The following CDK5RAP2 variants were observed in gnomAD, a reference collection of about 807,000 sequenced individuals.
CDK5RAP2 encodes CDK5 regulatory subunit associated protein 2.
A neutral mutation model predicts 232.9 loss-of-function variants in CDK5RAP2; 147 were observed. The ratio of observed to expected loss-of-function variants is 0.63; its 90% CI spans 0.55 to 0.72. The LOEUF is 0.72. Among genes scored for constraint, CDK5RAP2 ranks in the 30% least tolerant of loss-of-function variants. The pLI is 0.00. For synonymous variants in CDK5RAP2, 833 were observed against 833.7 expected, an observed-to-expected ratio of 1.00 and a Z score of 0.01; for missense variants, 2,195 against 2,231.5, an observed-to-expected ratio of 0.98 and a Z score of 0.33.
At chr9:120,490,546 C>T (rs574774223) in intron 13 of CDK5RAP2, among the ~76,000 whole-genome samples, 40 of 152,362 alleles carry the variant, frequency 2.6e-4, no homozygotes, top group African/African-American at 8.7e-4. Flanking sequence ...TTCTGGGGTT[C>T]TGCAGCATAA....
chr9:120,543,145 C>T (rs917965206), intron 5 of CDK5RAP2, among the ~76,000 whole-genome samples: 14 of 152,190 alleles, frequency 9.2e-5, no homozygotes, highest in African/African-American at 3.4e-4. Flanking sequence ...CATCCCCCTT[C>T]CCATCCATCA....
chr9:120,569,116 G>A (rs576842211), intron 2 of CDK5RAP2, among the ~76,000 whole-genome samples: 2 of 152,276 alleles, frequency 1.3e-5, no homozygotes, highest in Admixed American at 6.5e-5. Context: ...GTTCCCTATC[G>A]AGTGAGCAGG....
Position 120,487,447 on chromosome 9 carries a change from TA to T in CDK5RAP2, c.1483-11del. ...CTTTTTCATTGAATTTCTAATGAAA[TA>T]AAACAAATTCTAAGGAAATTGTCAT... is the stretch of plus-strand genomic sequence containing the variant. On this transcript the variant is annotated splice_polypyrimidine_tract_variant and intron_variant, in intron 13 of 37. Transcript: ENST00000349780. 1 of 1,588,296 alleles carries T rather than the reference TA, an allele frequency of 6.3e-7. No individual in the cohort carries two copies.
intron 10 of CDK5RAP2, among the ~76,000 whole-genome samples, chr9:120,526,412 GA>G (rs1346890138): frequency 1.3e-5 from 2 of 152,286 alleles, no homozygotes; most frequent in African/African-American, 4.8e-5. Flanking sequence ...CAGACACCTA[GA>G]AGTCTTCCTT....
chr9:120,423,559 G>A (rs567572885), intron 25 of CDK5RAP2, among the ~76,000 whole-genome samples: 170 of 152,258 alleles, frequency 1.1e-3, no homozygotes, highest in Non-Finnish European at 2.1e-3. Context: ...CTCTCTTCCT[G>A]CATGTTATCA....
intron 1 of CDK5RAP2, among the ~76,000 whole-genome samples, chr9:120,575,572 T>C (rs936424486): frequency 1.3e-5 from 2 of 152,114 alleles, no homozygotes; most frequent in African/African-American, 2.4e-5. Flanking sequence ...AGACCAGATA[T>C]CACATTCTGA....
intron 26 of CDK5RAP2, among the ~76,000 whole-genome samples, chr9:120,420,740 A>G (rs1206577627): frequency 6.6e-6 from 1 of 152,124 alleles, no homozygotes; most frequent in Admixed American, 6.5e-5. Context: ...AACAGCAAAG[A>G]CTCTAAGGCT....
At chr9:120,496,752 C>G (rs1175181406) in intron 12 of CDK5RAP2, among the ~76,000 whole-genome samples, 3 of 130,126 alleles carry the variant, frequency 2.3e-5, no homozygotes, top group Admixed American at 7.2e-5. Flanking sequence ...GTCAGCCCCC[C>G]GCCCGGCCAG....
At chr9:120,391,895 A>G (rs990227013) in intron 36 of CDK5RAP2, among the ~76,000 whole-genome samples, 1 of 152,240 alleles carries the variant, frequency 6.6e-6, no homozygotes, top group Non-Finnish European at 1.5e-5. Context: ...GATGAGCTGC[A>G]GAGCCTGGCA....
At chr9:120,523,251 C>T (rs189611028) in intron 11 of CDK5RAP2, among the ~76,000 whole-genome samples, 28 of 152,290 alleles carry the variant, frequency 1.8e-4, no homozygotes, top group Admixed American at 1.4e-3. Context: ...ATCTGGGTAA[C>T]ATTTAAATGT....
At chr9:120,391,980 G>C (rs1165576340) in intron 36 of CDK5RAP2, among the ~76,000 whole-genome samples, 1 of 152,218 alleles carries the variant, frequency 6.6e-6, no homozygotes, top group Non-Finnish European at 1.5e-5. Context: ...CTCTGGCGGA[G>C]CCTGCTCTGT....
chr9:120,556,025 T>A (rs925002167), intron 3 of CDK5RAP2, among the ~76,000 whole-genome samples: 1 of 152,136 alleles, frequency 6.6e-6, no homozygotes, highest in Non-Finnish European at 1.5e-5. Flanking sequence ...TGCCACAGGC[T>A]TGGGGTGAAG....
chr9:120,557,155 A>C (rs1054249394), intron 3 of CDK5RAP2, among the ~76,000 whole-genome samples: 2 of 152,194 alleles, frequency 1.3e-5, no homozygotes, highest in African/African-American at 4.8e-5. Context: ...AACAACAGAC[A>C]GTCCCAAATG....
At chr9:120,491,562 A>G in intron 12 of CDK5RAP2, 85 bp from the exon 13 acceptor site, 1 of 883,764 alleles carries the variant, frequency 1.1e-6, no homozygotes, top group South Asian at 1.4e-5. Context: ...TACTGCTACA[A>G]GAGAGCAAGA....
In CDK5RAP2 at chr9:120,539,052, G is replaced by C. The variant is rs755112589; in HGVS notation, c.496C>G (p.Leu166Val). The change falls in exon 6 of 38, where the codon CTT becomes GTT. Residue 166 changes from leucine (L) to valine (V), a missense_variant. By Grantham distance (32) the Leu-to-Val change is conservative. Coordinates refer to ENST00000349780, the MANE Select transcript of CDK5RAP2 (RefSeq NM_018249.6). ...ATTTCCAGACTTGCCTTTTCCAAAA[G>C]GAGTATTCTTTTAGTTAGGAGATCT... is the stretch of plus-strand genomic sequence containing the variant. The part of the protein sequence containing the change: ...VEDLLTKRIL[L>V]LEKDVTAAQA... 5.6e-6 allele frequency: 9 copies of C among 1,614,064 alleles called. No homozygotes were observed. The South Asian group carries it at 7.7e-5, about 14-fold the overall frequency.
At chr9:120,479,419 T>C (rs968249331) in intron 14 of CDK5RAP2, among the ~76,000 whole-genome samples, 11 of 152,076 alleles carry the variant, frequency 7.2e-5, no homozygotes, top group African/African-American at 2.4e-4. Context: ...AAAATACTTA[T>C]TAAATACAAA....
At chr9:120,397,347 T>C (rs2032563906) in intron 35 of CDK5RAP2, among the ~76,000 whole-genome samples, 1 of 151,948 alleles carries the variant, frequency 6.6e-6, no homozygotes, top group South Asian at 2.1e-4. Context: ...AAACCAACCT[T>C]AGAATCCAAT....
chr9:120,568,397 A>C lies in CDK5RAP2; in HGVS notation c.128-9T>G. On this transcript the variant is annotated splice_polypyrimidine_tract_variant and intron_variant, in intron 2 of 37. Coordinates refer to ENST00000349780, the MANE Select transcript of CDK5RAP2 (RefSeq NM_018249.6). Reference sequence around the variant, plus strand: ...TGACACATTTGGGAGCACTGTAAAAAGGTAAAATAGAGGAAAACGTCACAG... The same window carrying C: ...TGACACATTTGGGAGCACTGTAAAACGGTAAAATAGAGGAAAACGTCACAG... 2 of 1,606,910 alleles carry C rather than the reference A, an allele frequency of 1.2e-6. No homozygotes were observed. The highest frequency in any genetic ancestry group is 2.2e-5 in the East Asian group (1 of 44,848).
chr9:120,465,992 A>C (rs1185234167), intron 18 of CDK5RAP2, among the ~76,000 whole-genome samples: 1 of 152,238 alleles, frequency 6.6e-6, no homozygotes. Context: ...CTTGTTTTAA[A>C]GTGACAGAAT....
Sources: allele counts gnomAD v4.1 joint callset (sites outside exome capture counted in the v4.1 genomes callset), GRCh38; gene constraint gnomAD v4.1.1; transcripts MANE v1.5; gene names NCBI Gene and HGNC (gene_info 2026-07-23, HGNC 2026-07-21).